The following VPS16 variants were observed in gnomAD, a reference collection of about 807,000 sequenced individuals.
VPS16 encodes vacuolar protein sorting-associated protein 16 homolog.
VPS16 carries 82 observed loss-of-function variants against 116.0 expected under a neutral mutation model. The ratio of observed to expected loss-of-function variants is 0.71; its 90% confidence interval spans 0.59 to 0.85. VPS16 has a LOEUF of 0.85. VPS16 is among the 40% of genes least tolerant of loss of function. The pLI is 0.00. For missense variants in VPS16, 928 were observed against 1,090.6 expected (o/e 0.85, Z 2.10); for synonymous variants, 406 against 420.7 (o/e 0.96, Z 0.43).
chr20:2,863,398 G>A lies in VPS16; in HGVS notation c.1476G>A (p.Lys492=). The A allele has an allele frequency of 6.2e-7, 1 of 1,614,056 alleles. No homozygotes were observed. The highest frequency in any genetic ancestry group is 8.5e-7 in the Non-Finnish European group (1 of 1,179,948). The change falls in exon 15 of 24, where the codon AAG becomes AAA. Residue 492 remains lysine (K), a splice_region_variant and synonymous_variant. Coordinates refer to ENST00000380445, the MANE Select transcript of VPS16 (RefSeq NM_022575.4). This position sits in a 1 kb window ranked among gnomAD's most constrained non-coding sequence, Gnocchi z 4.4. The part of the protein sequence containing the change: ...SRILAHWACY[K]VQQKDVSDED... ...TCCTGGCCCACTGGGCCTGCTACAAGGCAAGGATGTGGGATGGGGTCCAAG... is the reference window on the plus strand; with the variant it reads ...TCCTGGCCCACTGGGCCTGCTACAAAGCAAGGATGTGGGATGGGGTCCAAG...
intron 1 of VPS16, among the ~76,000 whole-genome samples, chr20:2,843,139 T>C (rs901080245): frequency 1.3e-5 from 2 of 152,182 alleles, no homozygotes; most frequent in Non-Finnish European, 2.9e-5. Flanking sequence ...CTTAGAAATA[T>C]GCCTGTGCAA....
intron 1 of VPS16, among the ~76,000 whole-genome samples, chr20:2,849,296 G>C (rs997266252): frequency 9.1e-5 from 13 of 142,098 alleles, no homozygotes; most frequent in African/African-American, 3.2e-4. Context: ...CAAGGAATAA[G>C]ATTCTTTTTT....
chr20:2,850,757 C>T (rs2089110134), intron 1 of VPS16, among the ~76,000 whole-genome samples: 1 of 150,888 alleles, frequency 6.6e-6, no homozygotes, highest in Non-Finnish European at 1.5e-5. Flanking sequence ...CACACAAGCC[C>T]AGGAGTTTGA....
intron 11 of VPS16, 47 bp downstream of exon 11, chr20:2,862,177 C>T (rs1252252666): frequency 6.3e-7 from 1 of 1,586,144 alleles, no homozygotes; most frequent in East Asian, 2.3e-5. Context: ...TTCCTCCTGC[C>T]CCTGCGTGGG....
intron 1 of VPS16, among the ~76,000 whole-genome samples, chr20:2,843,835 C>T (rs931993283): frequency 2.6e-5 from 4 of 152,194 alleles, no homozygotes; most frequent in Admixed American, 2.0e-4. Context: ...CTACTCTTAC[C>T]TGTGCTGTAC....
At chr20:2,859,936 T>C in intron 2 of VPS16, 118 bp from the exon 3 acceptor site, 1 of 1,500,502 alleles carries the variant, frequency 6.7e-7, no homozygotes. Context: ...ATGCTTTTAC[T>C]TCTGGTTTTT....
Position 2,862,933 on chromosome 20 carries a change from C to T in VPS16, c.1330C>T (p.Gln444Ter). ...YHIGIPLTYS[Q>*]YKQLTIQVLL... is the part of the protein sequence containing the mutation. ...CATCGGGATCCCGCTCACCTATAGC[C>T]AGTATCCCTGTGCACGCCAGAAGGG... The change falls in exon 13 of 24, where the codon CAA becomes TAA. Residue 444 changes from glutamine (Q) to a stop codon, truncating the protein, a stop_gained and splice_region_variant. Coordinates refer to ENST00000380445, the MANE Select transcript of VPS16 (RefSeq NM_022575.4). LOFTEE classifies it high-confidence loss of function. 6.2e-7 allele frequency: 1 copy of T among 1,613,950 alleles called. No individual in the cohort carries two copies. The highest frequency in any genetic ancestry group is 1.1e-5 in the South Asian group (1 of 91,088).
chr20:2,861,569 A>C, intron 8 of VPS16, 46 bp from the exon 9 acceptor site: 2 of 1,562,018 alleles, frequency 1.3e-6, no homozygotes, highest in Non-Finnish European at 1.7e-6. Context: ...TGTGGGAGAC[A>C]TGGCCATGGG....
chr20:2,861,212 C>T lies in VPS16; in HGVS notation c.754-13C>T, dbSNP rs764578927. 213 of 1,614,072 alleles carry T rather than the reference C, an allele frequency of 1.3e-4. No homozygotes were observed. The highest frequency in any genetic ancestry group is 1.6e-4 in the Non-Finnish European group (193 of 1,180,042). On this transcript the variant is annotated splice_polypyrimidine_tract_variant and intron_variant, in intron 7 of 23. Transcript: ENST00000380445. ...GCTGGGACAGGGCCATGACATTGCC[C>T]ACACCATTTCAGGAGAAGCTATGTG...
chr20:2,863,280 G>T lies in VPS16; in HGVS notation c.1368-10G>T, dbSNP rs775723562. 181 of 1,613,980 alleles carry T rather than the reference G, an allele frequency of 1.1e-4. No homozygotes were observed. Among genetic ancestry groups the T allele is most frequent in the Non-Finnish European group, 1.4e-4 (171 of 1,180,002 alleles). Reference sequence around the variant, plus strand: ...CACTCCTTGTATCCTTTACCCACCGGGTCTACCAGGCTCGTGTTGCGGAGA... The same window carrying T: ...CACTCCTTGTATCCTTTACCCACCGTGTCTACCAGGCTCGTGTTGCGGAGA... On this transcript the variant is annotated splice_polypyrimidine_tract_variant and intron_variant, in intron 14 of 23. Transcript: ENST00000380445. This position sits in a 1 kb window ranked among gnomAD's most constrained non-coding sequence, Gnocchi z 4.4.
Position 2,855,971 on chromosome 20 carries a change from C to T in VPS16, c.54-3748C>T, listed in dbSNP as rs544682111. 3.9e-5 allele frequency among the ~76,000 whole-genome samples: 6 copies of T among 152,300 alleles called. No individual in the cohort carries two copies. The East Asian group carries it at 1.2e-3, about 29-fold the overall frequency. On this transcript the variant is annotated intron_variant, in intron 1 of 23. Transcript: ENST00000380445. ...TTCACTGGAGTAGCACTTTTAATTT[C>T]CTTCAAGAACTTTTCCTTTGCATTC...
At chr20:2,862,753 G>T in intron 12 of VPS16, 43 bp downstream of exon 12, 1 of 1,611,276 alleles carries the variant, frequency 6.2e-7, no homozygotes. Flanking sequence ...GGCTGGGAGG[G>T]GGTGGGATGG....
At position 2,854,141 on chromosome 20, in the gene VPS16, G is replaced by A. The variant is rs562928522; in HGVS notation, c.54-5578G>A. Among the ~76,000 whole-genome samples the A allele has an allele frequency of 2.7e-4, 41 of 152,028 alleles. 1 individual carries two copies. In the East Asian group the frequency reaches 5.4e-3, roughly 20 times the overall value. On this transcript the variant is annotated intron_variant, in intron 1 of 23. Transcript: ENST00000380445. Reference sequence around the variant, plus strand: ...ATGTATTTCTAGGCCAAGCATGGTCGTGCACACCTGTAAGACCAGCACTTT... The same window carrying A: ...ATGTATTTCTAGGCCAAGCATGGTCATGCACACCTGTAAGACCAGCACTTT...
chr20:2,850,586 A>G (rs918450661), intron 1 of VPS16, among the ~76,000 whole-genome samples: 1 of 152,134 alleles, frequency 6.6e-6, no homozygotes, highest in Non-Finnish European at 1.5e-5. Flanking sequence ...AGATTTTGCC[A>G]CTGCACTCCA....
At position 2,859,804 on chromosome 20, in the gene VPS16, A is replaced by G. The variant is rs1195782276; in HGVS notation, c.139A>G (p.Ile47Val). The stretch of plus-strand genomic sequence containing the variant: ...GGCTGCTGCACCCTATGGGGGCCCC[A>G]TTGGTATGTTGCCCCTCCACCACCA... ...LVAAAPYGGP[I>V]ALLRNPWRKE... The change falls in exon 2 of 24, where the codon ATT becomes GTT. Residue 47 changes from isoleucine to valine, a missense_variant. Physicochemically the swap from Ile to Val is conservative, Grantham distance 29. Coordinates refer to ENST00000380445, the MANE Select transcript of VPS16 (RefSeq NM_022575.4). 9 of 1,607,994 alleles carry G rather than the reference A, an allele frequency of 5.6e-6. No homozygotes were observed. The highest frequency in any genetic ancestry group is 1.7e-5 in the Admixed American group (1 of 57,882).
At chr20:2,859,962 A>G (rs2089209601) in intron 2 of VPS16, 92 bp from the exon 3 acceptor site, 1 of 1,547,326 alleles carries the variant, frequency 6.5e-7, no homozygotes, top group East Asian at 2.3e-5. Context: ...CCTGCTTCAC[A>G]TGGGGTGGGC....
Position 2,860,849 on chromosome 20 carries a change from G to T in VPS16, c.616G>T (p.Ala206Ser), listed in dbSNP as rs116927511. ...TGACCTTTACCTCTTGGACCATGCA[G>T]CCTGCTCCGCAGTGGTAAGGGCCCT... ...GPDLYLLDHA[A>S]CSAVTPPGLA... The change falls in exon 6 of 24, where the codon GCC (alanine) becomes TCC (serine). Residue 206 changes from alanine (A) to serine (S), a missense_variant. Ala to Ser is a moderately conservative substitution (Grantham distance 99, BLOSUM62 1). Transcript: ENST00000380445. The surrounding 1 kb of genome is among the most constrained non-coding windows in gnomAD (Gnocchi z 6.1). 3.1e-6 allele frequency: 5 copies of T among 1,614,016 alleles called. No homozygotes were observed. Among genetic ancestry groups the T allele is most frequent in the Non-Finnish European group, 4.2e-6 (5 of 1,180,044 alleles).
chr20:2,851,333 G>T (rs2089118700), intron 1 of VPS16, among the ~76,000 whole-genome samples: 1 of 152,056 alleles, frequency 6.6e-6, no homozygotes, highest in Non-Finnish European at 1.5e-5. Flanking sequence ...GGTAGGCCGG[G>T]CATGGTGGCT....
intron 1 of VPS16, among the ~76,000 whole-genome samples, chr20:2,853,205 A>G (rs754248250): frequency 6.6e-6 from 1 of 152,162 alleles, no homozygotes; most frequent in East Asian, 1.9e-4. Context: ...AGCCTGGCCA[A>G]CATGGTGAAA....
Sources: gnomAD v4.1 joint callset for allele counts (sites outside exome capture counted in the v4.1 genomes callset) on GRCh38, gnomAD v4.1.1 for gene constraint, Gnocchi (gnomAD v3.1) non-coding constraint, MANE v1.5 for transcripts, NCBI Gene and HGNC (gene_info 2026-07-23, HGNC 2026-07-21) for gene names.